The following TIRAP variants were observed in gnomAD, a reference collection of about 807,000 sequenced individuals.
TIRAP encodes toll/interleukin-1 receptor domain-containing adapter protein.
TIRAP carries 20 observed loss-of-function variants against 19.8 expected under a neutral mutation model. The ratio of observed to expected loss-of-function variants is 1.01; its 90% CI spans 0.71 to 1.47. The LOEUF is 1.47. TIRAP is among the 40% of genes most tolerant of loss of function. TIRAP has a pLI of 0.00. For missense variants in TIRAP, 276 were observed against 285.1 expected (o/e 0.97, Z 0.23); for synonymous variants, 125 against 121.7 (o/e 1.03, Z -0.18).
intron 3 of TIRAP, 60 bp from the exon 4 acceptor site, chr11:126,292,417 T>C: frequency 6.3e-7 from 1 of 1,582,054 alleles, no homozygotes; most frequent in Admixed American, 1.8e-5. Flanking sequence ...CTCCTCCCTG[T>C]GTGGGCAGTG....
intron 1 of TIRAP, among the ~76,000 whole-genome samples, chr11:126,285,778 C>T (rs565508190): frequency 1.6e-4 from 24 of 151,498 alleles, no homozygotes; most frequent in African/African-American, 5.6e-4. Context: ...TGGCTCATGC[C>T]TGTAATCCCA....
Position 126,293,650 on chromosome 11 carries a change from G to C in TIRAP, c.647-18G>C. 6.2e-7 allele frequency: 1 copy of C among 1,613,920 alleles called. No homozygotes were observed. Among genetic ancestry groups the C allele is most frequent in the Non-Finnish European group, 8.5e-7 (1 of 1,179,864 alleles). ...TGGGTTTGGGAGGTGTGACAACGCTGTGATTGGTCTCTTTCAGATCTGCAG... is the reference window on the plus strand; with the variant it reads ...TGGGTTTGGGAGGTGTGACAACGCTCTGATTGGTCTCTTTCAGATCTGCAG... On this transcript the variant is annotated intron_variant, in intron 4 of 4. Coordinates refer to ENST00000392679, the MANE Select transcript of TIRAP (RefSeq NM_001318777.2).
chr11:126,283,523 T>C (rs1441188364), intron 1 of TIRAP, among the ~76,000 whole-genome samples: 1 of 152,238 alleles, frequency 6.6e-6, no homozygotes, highest in Non-Finnish European at 1.5e-5. Flanking sequence ...CCTCTTCCTC[T>C]GCTCTTCGGG....
rs1236852205 is a variant in TIRAP, at chr11:126,290,860, C to T, written c.-35C>T. On this transcript the variant is annotated 5_prime_UTR_variant, in exon 3 of 5. Coordinates refer to ENST00000392679, the MANE Select transcript of TIRAP (RefSeq NM_001318777.2). This position sits in a 1 kb window ranked among gnomAD's most constrained non-coding sequence, Gnocchi z 4.9. ...CCTCCCTCCTCCCCCTTCACCAATG[C>T]CTGGTCTCACGGGGCTAGTTTTGAC... is the stretch of plus-strand genomic sequence containing the variant. The T allele has an allele frequency of 1.9e-6, 3 of 1,584,596 alleles. No homozygotes were observed. Among genetic ancestry groups the T allele is most frequent in the African/African-American group, 1.3e-5 (1 of 74,508 alleles).
In TIRAP at chr11:126,294,657, C is replaced by T. The variant is rs904720607; in HGVS notation, c.*970C>T. 8 of 421,752 alleles carry T rather than the reference C, an allele frequency of 1.9e-5. No homozygotes were observed. Among genetic ancestry groups the T allele is most frequent in the Non-Finnish European group, 3.8e-5 (8 of 208,504 alleles). The allele number at this position is 421,752 out of a possible 1,614,324, so 26.1% of individuals were successfully genotyped here. A position where few individuals can be genotyped will look rare whatever the true frequency, so the allele number is the denominator to read the frequency against. On this transcript the variant is annotated 3_prime_UTR_variant, in exon 5 of 5. Coordinates refer to ENST00000392679, the MANE Select transcript of TIRAP (RefSeq NM_001318777.2). ...TGTTCTCAGTAAGTTTGTTGTTGAA[C>T]TGAAATGAATTTCATTATTTCCTCC...
rs1951348793 is a variant in TIRAP at position 126,288,708 on chromosome 11, T to G, written c.-216-1754T>G. On this transcript the variant is annotated intron_variant, in intron 1 of 4. Transcript: ENST00000392679. The surrounding 1 kb of genome is among the most constrained non-coding windows in gnomAD (Gnocchi z 5.0). ...CAATGGAAAAGCAATTTCCCCCAAT[T>G]AGCATGCGTTGCCAAAAGGGCAAGT... 1 of 152,170 alleles carries G rather than the reference T, an allele frequency of 6.6e-6. No individual in the cohort carries two copies. The highest frequency in any genetic ancestry group is 2.4e-5 in the African/African-American group (1 of 41,438). 9.4% of individuals were successfully genotyped at this position (152,170 alleles called of 1,614,324 possible).
At chr11:126,285,270 T>TA (rs1951308287) in intron 1 of TIRAP, among the ~76,000 whole-genome samples, 3 of 90,898 alleles carry the variant, frequency 3.3e-5, no homozygotes, top group African/African-American at 1.2e-4. Context: ...TAATATATAT[T>TA]TTATTTGATT....
rs772823681 is a variant in TIRAP at position 126,293,030 on chromosome 11, T to C, written c.621T>C (p.Arg207=). ...GCAGGGGCCCTGATGGTGGCTTTCG[T>C]CAAGTCAAAGAAGCTGTCATGCGTT... ...VDGRGPDGGF[R]QVKEAVMRYL... Residue 207 remains arginine (R), a synonymous_variant, in exon 4 of 5, where the codon CGT becomes CGC. Transcript: ENST00000392679. The C allele has an allele frequency of 6.2e-7, 1 of 1,614,098 alleles. No individual in the cohort carries two copies. The highest frequency in any genetic ancestry group is 2.2e-5 in the East Asian group (1 of 44,880).
At chr11:126,292,170 G>A (rs1479969099) in intron 3 of TIRAP, among the ~76,000 whole-genome samples, 4 of 151,732 alleles carry the variant, frequency 2.6e-5, no homozygotes, top group Non-Finnish European at 5.9e-5. Flanking sequence ...CAGGTGTGGT[G>A]GTGCATGCCT....
chr11:126,293,586 AAG>A, intron 4 of TIRAP, 80 bp from the exon 5 acceptor site: 2 of 1,528,174 alleles, frequency 1.3e-6, no homozygotes, highest in Non-Finnish European at 1.8e-6. Context: ...AATAGATAAA[AAG>A]ATAGAAGAGG....
rs565217335 is a variant in TIRAP, at chr11:126,290,717, GA to G, written c.-92-83del. ...GAAGCCTCTGTCAGGCATTAGGAGAGAAACAGAACTTCGCAGAGCTCATCCA... is the reference window on the plus strand; with the variant it reads ...GAAGCCTCTGTCAGGCATTAGGAGAGAACAGAACTTCGCAGAGCTCATCCA... On this transcript the variant is annotated intron_variant, in intron 2 of 4. Coordinates refer to ENST00000392679, the MANE Select transcript of TIRAP (RefSeq NM_001318777.2). The surrounding 1 kb of genome is among the most constrained non-coding windows in gnomAD (Gnocchi z 4.9). The G allele has an allele frequency of 3.9e-3, 5,468 of 1,386,596 alleles. 9 individuals carry two copies. Among genetic ancestry groups the G allele is most frequent in the Non-Finnish European group, 4.8e-3 (5,193 of 1,073,608 alleles). The allele number at this position is 1,386,596 out of a possible 1,614,324, so 85.9% of individuals were successfully genotyped here.
At chr11:126,292,448 C>T (rs924030729) in intron 3 of TIRAP, 29 bp from the exon 4 acceptor site, 1 of 1,610,528 alleles carries the variant, frequency 6.2e-7, no homozygotes, top group Non-Finnish European at 8.5e-7. Context: ...TGGTAACACA[C>T]AGGCCTGAGC....
intron 1 of TIRAP, among the ~76,000 whole-genome samples, chr11:126,285,243 G>GTGTATATATATATATATATA: frequency 2.8e-5 from 3 of 106,974 alleles, no homozygotes; most frequent in Admixed American, 9.9e-5. Flanking sequence ...GTGTGTGTGT[G>GTGTATATATATATATATATA]TATATATATA....
rs117167403 is a variant in TIRAP, at chr11:126,284,350, G to A, written c.-217+1197G>A. Among the ~76,000 whole-genome samples, 602 of 152,206 alleles carry A rather than the reference G, an allele frequency of 4.0e-3. 1 individual carries two copies. Among genetic ancestry groups the A allele is most frequent in the Non-Finnish European group, 6.7e-3 (457 of 68,010 alleles). On this transcript the variant is annotated intron_variant, in intron 1 of 4. Transcript: ENST00000392679. ...CGCCCAGCCCTTCATGTACTCTTAC[G>A]TGTGTGACGTCTGACATTCAGTATG...
Position 126,287,690 on chromosome 11 carries a change from A to C in TIRAP, c.-216-2772A>C, listed in dbSNP as rs1473587398. ...CAGTTTCTGCACATAATATTGGAAA[A>C]GCATTCTAGAAAGCACTAAAGGTAT... On this transcript the variant is annotated intron_variant, in intron 1 of 4. Transcript: ENST00000392679. The surrounding 1 kb of genome is among the most constrained non-coding windows in gnomAD (Gnocchi z 4.2). 6.6e-6 allele frequency among the ~76,000 whole-genome samples: 1 copy of C among 152,164 alleles called. No individual in the cohort carries two copies.
rs1214065041 is a variant in TIRAP at position 126,290,965 on chromosome 11, A to G, written c.67+4A>G. On this transcript the variant is annotated splice_donor_region_variant and intron_variant, in intron 3 of 4. Transcript: ENST00000392679. This position sits in a 1 kb window ranked among gnomAD's most constrained non-coding sequence, Gnocchi z 4.9. ...AAGCCTCTAGGCAAGATGGCTGGTG[A>G]GTGGAACCGGACTCGCGACTCTGCT... 2 of 1,603,106 alleles carry G rather than the reference A, an allele frequency of 1.2e-6. No homozygotes were observed. Among genetic ancestry groups the G allele is most frequent in the East Asian group, 4.5e-5 (2 of 44,726 alleles).
chr11:126,284,038 T>TC (rs1951287618), intron 1 of TIRAP, among the ~76,000 whole-genome samples: 1 of 148,780 alleles, frequency 6.7e-6, no homozygotes, highest in Non-Finnish European at 1.5e-5. Context: ...TACTTCTTTT[T>TC]TTTTTTTTTT....
chr11:126,289,581 T>G, intron 1 of TIRAP: 1 of 908,116 alleles, frequency 1.1e-6, no homozygotes, highest in Non-Finnish European at 1.3e-6. Flanking sequence ...CCTGGCCACA[T>G]TCTTTAAATT....
At chr11:126,285,261 A>ATATATATATAT (rs776825456) in intron 1 of TIRAP, among the ~76,000 whole-genome samples, 6 of 51,250 alleles carry the variant, frequency 1.2e-4, no homozygotes, top group East Asian at 1.1e-3. Flanking sequence ...ATATATATAT[A>ATATATATATAT]ATATATATTT....
Sources: allele counts gnomAD v4.1 joint callset (sites outside exome capture counted in the v4.1 genomes callset), GRCh38; gene constraint gnomAD v4.1.1; non-coding constraint Gnocchi (gnomAD v3.1); transcripts MANE v1.5; gene names NCBI Gene and HGNC (gene_info 2026-07-23, HGNC 2026-07-21).